The following SLC25A13 variants were observed in gnomAD, a reference collection of about 807,000 sequenced individuals.
SLC25A13 encodes electrogenic aspartate/glutamate antiporter SLC25A13, mitochondrial.
A neutral mutation model predicts 85.5 loss-of-function variants in SLC25A13; 70 were observed. That is an observed-to-expected ratio of 0.82 (90% CI 0.68 to 1.00). The LOEUF (loss-of-function observed/expected upper bound fraction) is 1.00, where lower values mean the gene tolerates loss of function less well. Among genes scored for constraint, SLC25A13 ranks in the 50% least tolerant of loss-of-function variants. The probability of loss-of-function intolerance (pLI) is 0.00; values close to 1 mark genes in which losing one functional copy is unlikely to be tolerated. For synonymous variants in SLC25A13, 259 were observed against 288.7 expected (o/e 0.90, Z 1.04); for missense variants, 765 against 819.8 (o/e 0.93, Z 0.82).
intron 13 of SLC25A13, among the ~76,000 whole-genome samples, chr7:96,151,922 G>A (rs1562797812): frequency 6.6e-6 from 1 of 152,222 alleles, no homozygotes; most frequent in South Asian, 2.1e-4. Flanking sequence ...TCCAGCCTGA[G>A]TGACAAAGCA....
intron 4 of SLC25A13, among the ~76,000 whole-genome samples, chr7:96,227,555 G>A (rs1796368045): frequency 6.6e-6 from 1 of 152,162 alleles, no homozygotes; most frequent in Non-Finnish European, 1.5e-5. Context: ...AATTAAGATA[G>A]TATAGTATTA....
intron 3 of SLC25A13, among the ~76,000 whole-genome samples, chr7:96,239,272 A>T (rs919699099): frequency 2.5e-4 from 37 of 149,842 alleles, no homozygotes; most frequent in African/African-American, 8.8e-4. Flanking sequence ...GTTCACCAAG[A>T]TCATTTTGGA....
chr7:96,139,712 T>C (rs1037996683), intron 14 of SLC25A13, among the ~76,000 whole-genome samples: 3 of 152,336 alleles, frequency 2.0e-5, no homozygotes, highest in Non-Finnish European at 4.4e-5. Context: ...ATGAATAGAA[T>C]CATGCAGTAT....
intron 4 of SLC25A13, among the ~76,000 whole-genome samples, chr7:96,214,467 C>T (rs1795812317): frequency 6.6e-6 from 1 of 152,196 alleles, no homozygotes; most frequent in Non-Finnish European, 1.5e-5. Context: ...GTGGCCCACG[C>T]CTGTAATCCC....
chr7:96,203,942 T>C (rs4729242), intron 5 of SLC25A13, among the ~76,000 whole-genome samples: 150,046 of 152,304 alleles, frequency 0.99, 73,951 homozygotes, highest in East Asian at 1. Flanking sequence ...TAGCCTTAGA[T>C]CTGGAGAAAG....
At chr7:96,180,622 C>G (rs1310129946) in intron 11 of SLC25A13, among the ~76,000 whole-genome samples, 1 of 152,246 alleles carries the variant, frequency 6.6e-6, no homozygotes, top group African/African-American at 2.4e-5. Context: ...AGCCACCGTA[C>G]CCGGCCATAT....
chr7:96,265,686 G>A (rs1798021099), intron 3 of SLC25A13, among the ~76,000 whole-genome samples: 1 of 152,192 alleles, frequency 6.6e-6, no homozygotes, highest in African/African-American at 2.4e-5. Flanking sequence ...TGATGAATGT[G>A]TAATGAAGAA....
intron 5 of SLC25A13, among the ~76,000 whole-genome samples, chr7:96,201,858 G>T (rs1309286349): frequency 6.6e-6 from 1 of 152,100 alleles, no homozygotes; most frequent in African/African-American, 2.4e-5. Flanking sequence ...CTTACACCAG[G>T]ATGCTATGAC....
chr7:96,125,819 T>C (rs1319526335), intron 15 of SLC25A13, among the ~76,000 whole-genome samples: 1 of 150,742 alleles, frequency 6.6e-6, no homozygotes, highest in Non-Finnish European at 1.5e-5. Flanking sequence ...ATATCCATTA[T>C]ATCATTCAGA....
At chr7:96,308,762 A>C (rs1799851578) in intron 1 of SLC25A13, among the ~76,000 whole-genome samples, 1 of 152,222 alleles carries the variant, frequency 6.6e-6, no homozygotes, top group Non-Finnish European at 1.5e-5. Context: ...TCAGTTAAAC[A>C]ACAACTGAGA....
intron 1 of SLC25A13, among the ~76,000 whole-genome samples, chr7:96,310,947 C>T (rs191586459): frequency 1.4e-4 from 22 of 152,246 alleles, no homozygotes; most frequent in Non-Finnish European, 2.8e-4. Flanking sequence ...TAAGTACATT[C>T]ACAATGTTCT....
In SLC25A13 at chr7:96,227,499, G is replaced by A. The variant is rs1350244105; in HGVS notation, c.328+7303C>T. 1.2e-4 allele frequency among the ~76,000 whole-genome samples: 19 copies of A among 152,236 alleles called. 1 individual carries two copies. In the East Asian group the frequency reaches 3.7e-3, roughly 29 times the overall value. On this transcript the variant is annotated intron_variant, in intron 4 of 17. Coordinates refer to ENST00000265631, the MANE Select transcript of SLC25A13 (RefSeq NM_014251.3). ...CAAGAATAGCCGAGATAATCTTAAA[G>A]AATAAAGTTGAAAACCTAACCAGAT...
At chr7:96,168,777 C>G (rs1372412994) in intron 13 of SLC25A13, among the ~76,000 whole-genome samples, 2 of 152,120 alleles carry the variant, frequency 1.3e-5, no homozygotes, top group East Asian at 3.8e-4. Context: ...CCAAAAAACC[C>G]TGCTATATCC....
At chr7:96,319,836 A>G (rs1414757730) in intron 1 of SLC25A13, among the ~76,000 whole-genome samples, 2 of 152,220 alleles carry the variant, frequency 1.3e-5, no homozygotes, top group African/African-American at 4.8e-5. Flanking sequence ...AAATGAAGAC[A>G]TAAACAAAAA....
chr7:96,261,680 G>A (rs75924147), intron 3 of SLC25A13, among the ~76,000 whole-genome samples: 430 of 152,296 alleles, frequency 2.8e-3, no homozygotes, highest in African/African-American at 9.6e-3. Context: ...CAATGGGAAA[G>A]TTGGGTACTA....
At position 96,274,118 on chromosome 7, in the gene SLC25A13, T is replaced by C. The variant is rs545337121; in HGVS notation, c.212+3078A>G. Among the ~76,000 whole-genome samples the C allele has an allele frequency of 5.3e-5, 8 of 152,130 alleles. No homozygotes were observed. The East Asian group carries it at 1.5e-3, about 29-fold the overall frequency. ...GGCATAATCCAACAATCCTCCAGAA[T>C]ACTGCAACAAGTAGATCACCTAATT... On this transcript the variant is annotated intron_variant, in intron 3 of 17. Coordinates refer to ENST00000265631, the MANE Select transcript of SLC25A13 (RefSeq NM_014251.3).
At chr7:96,306,661 CTCT>C (rs1799756078) in intron 1 of SLC25A13, 2 of 709,986 alleles carry the variant, frequency 2.8e-6, no homozygotes, top group Non-Finnish European at 2.2e-6. Flanking sequence ...AGCTCTCTTC[CTCT>C]TCTTCTCCTA....
At chr7:96,318,018 A>G (rs1445961152) in intron 1 of SLC25A13, among the ~76,000 whole-genome samples, 1 of 152,100 alleles carries the variant, frequency 6.6e-6, no homozygotes, top group Non-Finnish European at 1.5e-5. Flanking sequence ...CACTGGAAAG[A>G]ACACAATACA....
chr7:96,228,945 C>T (rs1305249641), intron 4 of SLC25A13, among the ~76,000 whole-genome samples: 5 of 152,170 alleles, frequency 3.3e-5, no homozygotes, highest in Non-Finnish European at 5.9e-5. Context: ...TGACTCCCGG[C>T]GGGGCAGGGC....
Sources: allele counts gnomAD v4.1 joint callset (sites outside exome capture counted in the v4.1 genomes callset), GRCh38; gene constraint gnomAD v4.1.1; transcripts MANE v1.5; gene names NCBI Gene and HGNC (gene_info 2026-07-23, HGNC 2026-07-21).